The following UNC45A variants were observed in gnomAD, a reference collection of about 807,000 sequenced individuals.
UNC45A encodes the protein protein unc-45 homolog A.
In UNC45A, 78 loss-of-function variants were observed where a neutral mutation model predicts 103.2. That is an observed-to-expected ratio of 0.76 (90% CI 0.63 to 0.91). The LOEUF (loss-of-function observed/expected upper bound fraction) is 0.91, where lower values mean the gene tolerates loss of function less well. UNC45A is among the 40% of genes least tolerant of loss of function. UNC45A has a pLI of 0.00. For synonymous variants in UNC45A, 495 were observed against 504.6 expected (o/e 0.98, Z 0.25); for missense variants, 1,193 against 1,224.8 (o/e 0.97, Z 0.39).
chr15:90,931,149 C>A (rs2035774852), upstream of UNC45A: 1 of 1,202,618 alleles, frequency 8.3e-7, no homozygotes, highest in Non-Finnish European at 1.2e-6. Flanking sequence ...AAATGCAAGT[C>A]TTTTTTTGGC....
Position 90,942,958 on chromosome 15 carries a change from G to T in UNC45A, c.903G>T (p.Leu301=), listed in dbSNP as rs768842947. The T allele has an allele frequency of 6.2e-7, 1 of 1,614,038 alleles. No homozygotes were observed. The highest frequency in any genetic ancestry group is 8.5e-7 in the Non-Finnish European group (1 of 1,179,958). Residue 301 remains leucine (L), a synonymous_variant, in exon 8 of 20, where the codon CTG becomes CTT. Coordinates refer to ENST00000418476, the MANE Select transcript of UNC45A (RefSeq NM_018671.5). ...LKVLISNLLD[L]LTEVGVSGQG... ...TCCTCATCAGTAACCTCTTAGATCTGCTGACAGAGGTGGGGGTCTCTGGCC... is the reference window on the plus strand; with the variant it reads ...TCCTCATCAGTAACCTCTTAGATCTTCTGACAGAGGTGGGGGTCTCTGGCC...
chr15:90,948,407 T>C (rs2036694134), intron 12 of UNC45A, 124 bp downstream of exon 12: 1 of 1,443,192 alleles, frequency 6.9e-7, no homozygotes, highest in Admixed American at 2.0e-5. Flanking sequence ...GGTGGCTGAG[T>C]GGCTGCTCTG....
At position 90,935,817 on chromosome 15, in the gene UNC45A, C is replaced by T. The variant is rs554552942; in HGVS notation, c.213+112C>T. On this transcript the variant is annotated intron_variant, in intron 2 of 19. Transcript: ENST00000418476. Reference sequence around the variant, plus strand: ...ACGCTCCCAGGCCATCCCCGCTTGCCAGATGTTTTTTGCACCTCAGGGTGG... The same window carrying T: ...ACGCTCCCAGGCCATCCCCGCTTGCTAGATGTTTTTTGCACCTCAGGGTGG... 5.8e-6 allele frequency: 9 copies of T among 1,545,210 alleles called. No individual in the cohort carries two copies. The African/African-American group carries it at 1.2e-4, about 21-fold the overall frequency.
At chr15:90,934,053 AG>A (rs1350000433), upstream of UNC45A, 1 of 398,938 alleles carries the variant, frequency 2.5e-6, no homozygotes, top group African/African-American at 2.1e-5. Flanking sequence ...GGGCATCCAG[AG>A]AAGGTCAGGC....
upstream of UNC45A, chr15:90,931,033 C>G (rs1013919774): frequency 2.0e-6 from 1 of 494,940 alleles, no homozygotes. Context: ...GCAAACAGAC[C>G]CAAGACTTGG....
upstream of UNC45A, chr15:90,932,499 G>T: frequency 7.7e-7 from 1 of 1,303,526 alleles, no homozygotes; most frequent in Non-Finnish European, 9.7e-7. Flanking sequence ...TGCGAGCCGC[G>T]AAGTCGGCAG....
At chr15:90,941,590 T>G (rs987095474) in intron 6 of UNC45A, among the ~76,000 whole-genome samples, 1 of 152,200 alleles carries the variant, frequency 6.6e-6, no homozygotes, top group Admixed American at 6.5e-5. Context: ...CAAGGACACT[T>G]AGCTGCTAAG....
chr15:90,937,412 T>C (rs1013240255), intron 4 of UNC45A, among the ~76,000 whole-genome samples: 1 of 152,080 alleles, frequency 6.6e-6, no homozygotes, highest in Non-Finnish European at 1.5e-5. Flanking sequence ...TTTATGTTAA[T>C]GATCCCCTAC....
intron 12 of UNC45A, 138 bp from the exon 13 acceptor site, chr15:90,948,516 G>A (rs1232641326): frequency 2.8e-6 from 4 of 1,407,630 alleles, no homozygotes; most frequent in African/African-American, 1.4e-5. Flanking sequence ...AAAGTCTGGG[G>A]CCTGGGAGTT....
intron 4 of UNC45A, among the ~76,000 whole-genome samples, chr15:90,937,941 A>G (rs554738329): frequency 6.6e-6 from 1 of 151,942 alleles, no homozygotes; most frequent in African/African-American, 2.4e-5. Flanking sequence ...GGACAAATGC[A>G]TGTCACCACG....
At chr15:90,945,663 C>T (rs1231318041) in intron 9 of UNC45A, among the ~76,000 whole-genome samples, 1 of 147,234 alleles carries the variant, frequency 6.8e-6, no homozygotes, top group African/African-American at 2.5e-5. Context: ...TGGAGTTTCG[C>T]TCTTGTTGCC....
At chr15:90,939,327 A>G (rs2036172788) in intron 4 of UNC45A, among the ~76,000 whole-genome samples, 1 of 152,208 alleles carries the variant, frequency 6.6e-6, no homozygotes, top group Non-Finnish European at 1.5e-5. Flanking sequence ...AGCTAAAGGA[A>G]GTGTTAGCAA....
chr15:90,948,844 A>AAC (rs1178896536), intron 13 of UNC45A, 50 bp downstream of exon 13: 1 of 1,509,446 alleles, frequency 6.6e-7, no homozygotes, highest in Non-Finnish European at 8.9e-7. Context: ...GGGGACAGCT[A>AAC]ACCCAGGGCA....
Position 90,936,181 on chromosome 15 carries a change from G to A in UNC45A, c.251-104G>A, listed in dbSNP as rs562998746. 17 of 1,528,204 alleles carry A rather than the reference G, an allele frequency of 1.1e-5. No individual in the cohort carries two copies. The Admixed American group carries it at 3.5e-4, about 31-fold the overall frequency. 94.7% of individuals were successfully genotyped at this position (1,528,204 alleles called of 1,614,324 possible). A position where few individuals can be genotyped will look rare whatever the true frequency, so the allele number is the denominator to read the frequency against. ...GGCTGAAGCACCGAGCCCCACATTC[G>A]TCCCCCCCACCTTCTTCTGGCCTTT... On this transcript the variant is annotated intron_variant, in intron 3 of 19. Coordinates refer to ENST00000418476, the MANE Select transcript of UNC45A (RefSeq NM_018671.5).
At chr15:90,932,459 C>T (rs971343113), upstream of UNC45A, 1 of 1,333,484 alleles carries the variant, frequency 7.5e-7, no homozygotes, top group Non-Finnish European at 9.6e-7. Flanking sequence ...GGGGTCCCCT[C>T]GGGGTCCTTC....
rs377273466 is a variant in UNC45A at position 90,948,223 on chromosome 15, C to G, written c.1677C>G (p.Asp559Glu). ...EGLAYLTFDA[D>E]VKEEFVEDAA... ...TGGCTTACCTGACCTTTGATGCCGA[C>G]GTGAAGGAAGAGTTTGTGGAGGATG... Residue 559 changes from aspartate (D) to glutamate (E), a missense_variant, in exon 12 of 20, where the codon GAC becomes GAG. Asp to Glu is a conservative substitution (Grantham distance 45). Transcript: ENST00000418476. 6.2e-7 allele frequency: 1 copy of G among 1,614,122 alleles called. No homozygotes were observed. The highest frequency in any genetic ancestry group is 8.5e-7 in the Non-Finnish European group (1 of 1,180,028).
intron 8 of UNC45A, among the ~76,000 whole-genome samples, chr15:90,944,535 A>G (rs1286749057): frequency 1.3e-5 from 2 of 152,128 alleles, no homozygotes; most frequent in South Asian, 2.1e-4. Flanking sequence ...AGGTGTGTCT[A>G]TTGTGTTCAC....
chr15:90,932,450 G>C (rs907311994), upstream of UNC45A: 4 of 1,357,358 alleles, frequency 2.9e-6, no homozygotes, highest in African/African-American at 4.5e-5. Context: ...TTGATGTAGG[G>C]GGTCCCCTCG....
Position 90,949,258 on chromosome 15 carries a change from G to A in UNC45A, c.1879-58G>A, listed in dbSNP as rs148080165. Reference sequence around the variant, plus strand: ...TTCCTCAATTACTGCTGTGAGAAGGGTCCCCCTTTCTCTGTGAGTCAGCCT... The same window carrying A: ...TTCCTCAATTACTGCTGTGAGAAGGATCCCCCTTTCTCTGTGAGTCAGCCT... On this transcript the variant is annotated intron_variant, in intron 13 of 19. Transcript: ENST00000418476. 5.7e-6 allele frequency: 9 copies of A among 1,570,092 alleles called. No individual in the cohort carries two copies. The African/African-American group carries it at 1.2e-4, about 21-fold the overall frequency.
Sources: allele counts gnomAD v4.1 joint callset (sites outside exome capture counted in the v4.1 genomes callset), GRCh38; gene constraint gnomAD v4.1.1; transcripts MANE v1.5; gene names NCBI Gene and HGNC (gene_info 2026-07-23, HGNC 2026-07-21).